NBEA: variants seen among roughly 807,000 people sequenced by gnomAD.
NBEA encodes lysosomal-trafficking regulator 2.
Under a neutral mutation model 343.4 loss-of-function variants are expected in NBEA, and 44 were observed. That is an observed-to-expected ratio of 0.13 (90% CI 0.10 to 0.16). The LOEUF (loss-of-function observed/expected upper bound fraction) is 0.16. NBEA is among the 10% of genes least tolerant of loss of function. NBEA has a pLI of 1.00. For missense variants in NBEA, 2,555 were observed against 3,631.3 expected, an observed-to-expected ratio of 0.70 and a Z score of 7.62; for synonymous variants, 1,175 against 1,238.7, an observed-to-expected ratio of 0.95 and a Z score of 1.08.
chr13:35,388,698 A>G (rs138829649), intron 38 of NBEA, among the ~76,000 whole-genome samples: 1 of 152,196 alleles, frequency 6.6e-6, no homozygotes, highest in Non-Finnish European at 1.5e-5. Flanking sequence ...GTGCTTAGTT[A>G]AATAAATGTG....
chr13:35,045,729 TTTG>T (rs2062827437), intron 4 of NBEA, among the ~76,000 whole-genome samples: 1 of 151,878 alleles, frequency 6.6e-6, no homozygotes, highest in African/African-American at 2.4e-5. Context: ...TTTGTTTTGT[TTTG>T]TTTTGTTTTG....
At chr13:35,318,781 C>G (rs997038194) in intron 36 of NBEA, among the ~76,000 whole-genome samples, 7 of 152,108 alleles carry the variant, frequency 4.6e-5, no homozygotes, top group African/African-American at 1.7e-4. Context: ...AATTTCAGAA[C>G]TTGTTATTGG....
chr13:35,649,034 G>A (rs958294347), intron 51 of NBEA, among the ~76,000 whole-genome samples: 11 of 151,236 alleles, frequency 7.3e-5, no homozygotes, highest in African/African-American at 2.2e-4. Flanking sequence ...TAAAAAAAAA[G>A]AAGAAGAAGA....
chr13:35,025,418 T>A (rs1288649734), intron 1 of NBEA, among the ~76,000 whole-genome samples: 1 of 152,124 alleles, frequency 6.6e-6, no homozygotes, highest in African/African-American at 2.4e-5. Context: ...TTTATTGAGT[T>A]AGGGAGTCCT....
chr13:35,160,084 T>C (rs2069451533), intron 22 of NBEA, 52 bp downstream of exon 22: 1 of 1,422,572 alleles, frequency 7.0e-7, no homozygotes, highest in Non-Finnish European at 9.3e-7. Flanking sequence ...ATTGAAGAGT[T>C]GTTAGCACCA....
At chr13:35,042,519 G>C (rs1352377585) in intron 2 of NBEA, among the ~76,000 whole-genome samples, 1 of 151,482 alleles carries the variant, frequency 6.6e-6, no homozygotes, top group Non-Finnish European at 1.5e-5. Context: ...GTGCAGTTTA[G>C]AGAATGAGCC....
chr13:35,179,744 A>G (rs1487504627), intron 28 of NBEA: 1 of 983,180 alleles, frequency 1.0e-6, no homozygotes. Context: ...AAATAGAAGT[A>G]TTATGGGATA....
chr13:34,992,263 T>TATATATA (rs1555269591), intron 1 of NBEA, among the ~76,000 whole-genome samples: 4 of 97,444 alleles, frequency 4.1e-5, no homozygotes, highest in Admixed American at 1.0e-4. Context: ...TATATATATA[T>TATATATA]TTTTTTTTTT....
At chr13:35,586,472 C>T (rs1186897484) in intron 46 of NBEA, among the ~76,000 whole-genome samples, 3 of 152,208 alleles carry the variant, frequency 2.0e-5, no homozygotes, top group Admixed American at 2.0e-4. Flanking sequence ...CCAAATCTTA[C>T]TTTTAAAAAT....
chr13:35,241,217 A>T (rs1272338387), intron 34 of NBEA, among the ~76,000 whole-genome samples: 2 of 151,962 alleles, frequency 1.3e-5, no homozygotes, highest in Non-Finnish European at 2.9e-5. Flanking sequence ...TTAAAACAGC[A>T]TAGCAGTAGC....
intron 6 of NBEA, among the ~76,000 whole-genome samples, chr13:35,050,693 G>A (rs191633405): frequency 9.2e-4 from 140 of 151,988 alleles, no homozygotes; most frequent in Non-Finnish European, 1.3e-3. Flanking sequence ...ACCATTGTAG[G>A]CACTAGGGAT....
rs73505630 is a variant in NBEA at position 35,196,017 on chromosome 13, G to A, written c.5081G>A (p.Ser1694Asn). The change falls in exon 31 of 59, where the codon AGT (serine) becomes AAT (asparagine). Residue 1694 changes from serine (S) to asparagine (N), a missense_variant. By Grantham distance (46) the Ser-to-Asn change is conservative. This residue lies in a region of NBEA where 270 missense variants were observed against 293.3 expected (regional missense o/e 0.92). Coordinates refer to ENST00000379939, the MANE Select transcript of NBEA (RefSeq NM_001385012.1). ...SILNGAELET[S>N]TGPDAMSELL... is the part of the protein sequence containing the mutation. ...CTGAATGGGGCAGAATTAGAAACAAGTACAGGCCCTGATGCCATGAGTGAA... is the reference window on the plus strand; with the variant it reads ...CTGAATGGGGCAGAATTAGAAACAAATACAGGCCCTGATGCCATGAGTGAA... The A allele has an allele frequency of 1.2e-3, 1,958 of 1,613,622 alleles. 28 individuals carry two copies. The African/African-American group carries it at 0.024, about 19-fold the overall frequency.
At chr13:34,987,695 T>G (rs1442234742) in intron 1 of NBEA, among the ~76,000 whole-genome samples, 2 of 151,116 alleles carry the variant, frequency 1.3e-5, no homozygotes, top group African/African-American at 4.8e-5. Context: ...GTTCATTTAT[T>G]TTTACTCTTT....
chr13:35,469,419 G>A (rs1043651562), intron 40 of NBEA, among the ~76,000 whole-genome samples: 2 of 152,168 alleles, frequency 1.3e-5, no homozygotes, highest in Non-Finnish European at 1.5e-5. Context: ...AGATAAATGG[G>A]AAGTAATACC....
intron 45 of NBEA, among the ~76,000 whole-genome samples, chr13:35,582,194 G>A (rs1238395750): frequency 6.6e-6 from 1 of 152,134 alleles, no homozygotes; most frequent in Non-Finnish European, 1.5e-5. Context: ...GCTGAGGCAG[G>A]AGAATGGCGT....
chr13:35,163,396 A>G (rs940909220), intron 23 of NBEA, among the ~76,000 whole-genome samples: 6 of 151,992 alleles, frequency 3.9e-5, no homozygotes, highest in African/African-American at 1.4e-4. Flanking sequence ...GCTCACACCT[A>G]TAATCCCAGC....
At chr13:35,059,613 G>A (rs1196649429) in intron 8 of NBEA, among the ~76,000 whole-genome samples, 2 of 151,800 alleles carry the variant, frequency 1.3e-5, no homozygotes, top group East Asian at 3.9e-4. Flanking sequence ...TTGTATGGAA[G>A]TGTGGTTTTT....
chr13:35,044,228 T>C (rs1415094523), intron 2 of NBEA, among the ~76,000 whole-genome samples: 1 of 152,178 alleles, frequency 6.6e-6, no homozygotes, highest in Non-Finnish European at 1.5e-5. Context: ...GTTCTGAAGC[T>C]ATACTGTCTG....
intron 47 of NBEA, among the ~76,000 whole-genome samples, chr13:35,600,991 A>G (rs1455168443): frequency 6.6e-6 from 1 of 152,180 alleles, no homozygotes; most frequent in East Asian, 1.9e-4. Context: ...AGCCTGGCCA[A>G]CATGGCAAAA....
Sources: allele counts gnomAD v4.1 joint callset (sites outside exome capture counted in the v4.1 genomes callset), GRCh38; gene constraint gnomAD v4.1.1; regional missense constraint gnomAD v4.1.1; transcripts MANE v1.5; gene names NCBI Gene and HGNC (gene_info 2026-07-23, HGNC 2026-07-21).